The following ROBO1 variants were observed in gnomAD, a reference collection of about 807,000 sequenced individuals.
ROBO1 encodes roundabout homolog 1.
Under a neutral mutation model 195.9 loss-of-function variants are expected in ROBO1, and 149 were observed. The observed-to-expected ratio is 0.76, with a 90% CI of 0.67 to 0.87. ROBO1 has a LOEUF of 0.87. Among genes scored for constraint, ROBO1 ranks in the 40% least tolerant of loss-of-function variants. The probability of loss-of-function intolerance (pLI) is 0.00; values close to 1 mark genes in which losing one functional copy is unlikely to be tolerated. For synonymous variants in ROBO1, 816 were observed against 733.2 expected, an observed-to-expected ratio of 1.11 and a Z score of -1.82; for missense variants, 1,933 against 2,068.3, an observed-to-expected ratio of 0.93 and a Z score of 1.27.
At chr3:79,576,902 G>T (rs1218970844) in intron 2 of ROBO1, among the ~76,000 whole-genome samples, 2 of 152,126 alleles carry the variant, frequency 1.3e-5, no homozygotes, top group African/African-American at 4.8e-5. Flanking sequence ...AACATCCAGA[G>T]AACGTTAACA....
intron 1 of ROBO1, among the ~76,000 whole-genome samples, chr3:79,652,023 A>G (rs979302580): frequency 2.6e-5 from 4 of 152,134 alleles, no homozygotes; most frequent in Non-Finnish European, 5.9e-5. Flanking sequence ...AACAAATTCT[A>G]TGTGTAAAGT....
intron 1 of ROBO1, among the ~76,000 whole-genome samples, chr3:79,592,582 AT>A (rs1342498866): frequency 5.3e-5 from 8 of 151,934 alleles, no homozygotes; most frequent in Non-Finnish European, 1.0e-4. Flanking sequence ...TTAGAGAAAA[AT>A]TGAGTGGAAG....
intron 2 of ROBO1, among the ~76,000 whole-genome samples, chr3:79,313,834 T>C (rs967091923): frequency 1.1e-4 from 17 of 152,220 alleles, no homozygotes; most frequent in Admixed American, 2.0e-4. Flanking sequence ...TTTTATGCTA[T>C]ATCATCTGAA....
At chr3:79,121,903 G>A (rs540171038) in intron 3 of ROBO1, among the ~76,000 whole-genome samples, 1 of 151,928 alleles carries the variant, frequency 6.6e-6, no homozygotes, top group East Asian at 1.9e-4. Context: ...CTTATTCCCT[G>A]AATTTTTAAT....
intron 4 of ROBO1, among the ~76,000 whole-genome samples, chr3:78,862,748 A>G (rs1402353205): frequency 6.6e-6 from 1 of 152,204 alleles, no homozygotes; most frequent in Non-Finnish European, 1.5e-5. Context: ...TTCTACCCTG[A>G]AGATACTTCA....
At chr3:79,005,158 C>T (rs190641887) in intron 3 of ROBO1, among the ~76,000 whole-genome samples, 5 of 152,298 alleles carry the variant, frequency 3.3e-5, no homozygotes, top group African/African-American at 4.8e-5. Flanking sequence ...ATGTTGGTGA[C>T]GGTTTCCAGC....
chr3:79,626,232 G>A (rs552803339), intron 1 of ROBO1, among the ~76,000 whole-genome samples: 1 of 152,130 alleles, frequency 6.6e-6, no homozygotes, highest in Non-Finnish European at 1.5e-5. Context: ...GGATCATGAG[G>A]TCAAGAGATG....
rs144170005 is a variant in ROBO1, at chr3:79,245,837, AT to A, written c.89-120299del. On this transcript the variant is annotated intron_variant, in intron 2 of 30. Coordinates refer to ENST00000464233, the MANE Select transcript of ROBO1 (RefSeq NM_002941.4). ...ATGGATTGAAACAATAATGAAAAAA[AT>A]CTTACATTTTATTACTAAGTAATAT... Among the ~76,000 whole-genome samples, 115 of 152,196 alleles carry A rather than the reference AT, an allele frequency of 7.6e-4. 1 individual carries two copies. Among genetic ancestry groups the A allele is most frequent in the Middle Eastern group, 3.4e-3 (1 of 294 alleles).
chr3:78,728,094 A>AT lies in ROBO1; in HGVS notation c.658-10212dup, dbSNP rs753009964. Among the ~76,000 whole-genome samples, 131 of 152,114 alleles carry AT rather than the reference A, an allele frequency of 8.6e-4. 3 individuals carry two copies. The highest frequency in any genetic ancestry group is 1.0e-3 in the South Asian group (5 of 4,822). ...TTATTAAAGATTTTTTGATCTTTCT[A>AT]TTTTTTATAAAAGCTATTGATTCTT... On this transcript the variant is annotated intron_variant, in intron 5 of 30. Transcript: ENST00000464233.
chr3:78,724,416 C>T (rs2082114482), intron 5 of ROBO1, among the ~76,000 whole-genome samples: 1 of 151,186 alleles, frequency 6.6e-6, no homozygotes, highest in Non-Finnish European at 1.5e-5. Context: ...TGGCTCACAC[C>T]TGTAATCCCA....
intron 1 of ROBO1, among the ~76,000 whole-genome samples, chr3:79,678,758 G>A (rs907676987): frequency 6.6e-6 from 1 of 152,046 alleles, no homozygotes; most frequent in East Asian, 1.9e-4. Context: ...CCACAAAGGA[G>A]CACGGATTGC....
At chr3:79,495,417 T>TAA (rs749302834) in intron 2 of ROBO1, among the ~76,000 whole-genome samples, 9 of 151,874 alleles carry the variant, frequency 5.9e-5, no homozygotes, top group Non-Finnish European at 8.8e-5. Context: ...TTGAAATACA[T>TAA]AAAAAAACCC....
At chr3:78,938,520 C>T (rs915742653) in intron 4 of ROBO1, 81 bp downstream of exon 4, 17 of 1,225,982 alleles carry the variant, frequency 1.4e-5, no homozygotes, top group African/African-American at 6.1e-5. Context: ...GATACAAATT[C>T]GACTTTTCAT....
rs1390294565 is a variant in ROBO1 at position 79,651,140 on chromosome 3, A to G, written c.-50-61179T>C. The stretch of plus-strand genomic sequence containing the variant: ...ACATTATATATGTTTATGTTTTCAA[A>G]TACAAATATACATAATGTAAATATG... On this transcript the variant is annotated intron_variant, in intron 1 of 30. Transcript: ENST00000464233. Among the ~76,000 whole-genome samples, 5 of 152,072 alleles carry G rather than the reference A, an allele frequency of 3.3e-5. No individual in the cohort carries two copies. In the East Asian group the frequency reaches 9.7e-4, roughly 29 times the overall value.
At chr3:79,506,297 C>T (rs9810213) in intron 2 of ROBO1, among the ~76,000 whole-genome samples, 111,740 of 151,944 alleles carry the variant, frequency 0.74, 41,872 homozygotes, top group African/African-American at 0.89. Flanking sequence ...AATGTCAAAT[C>T]GTAAGATGCC....
intron 2 of ROBO1, among the ~76,000 whole-genome samples, chr3:79,325,242 A>T (rs919987266): frequency 2.0e-5 from 3 of 152,218 alleles, no homozygotes; most frequent in Non-Finnish European, 4.4e-5. Context: ...AGGTCTCTAC[A>T]TTGAACTTCT....
intron 2 of ROBO1, among the ~76,000 whole-genome samples, chr3:79,551,072 G>A (rs1266358204): frequency 6.6e-6 from 1 of 151,878 alleles, no homozygotes; most frequent in Non-Finnish European, 1.5e-5. Context: ...GCCAGATGTT[G>A]GTCTCTGGAT....
chr3:78,870,519 G>A (rs2035482424), intron 4 of ROBO1, among the ~76,000 whole-genome samples: 1 of 152,112 alleles, frequency 6.6e-6, no homozygotes, highest in Non-Finnish European at 1.5e-5. Flanking sequence ...GCCTTACAGG[G>A]AAGAAATGAT....
intron 1 of ROBO1, among the ~76,000 whole-genome samples, chr3:79,634,406 A>G (rs1247297868): frequency 6.6e-6 from 1 of 152,166 alleles, no homozygotes; most frequent in Non-Finnish European, 1.5e-5. Context: ...AAGAACAAAA[A>G]TAGGTTATAC....
Sources: allele counts gnomAD v4.1 joint callset (sites outside exome capture counted in the v4.1 genomes callset), GRCh38; gene constraint gnomAD v4.1.1; transcripts MANE v1.5; gene names NCBI Gene and HGNC (gene_info 2026-07-23, HGNC 2026-07-21).